Variants in OPCML observed in about 807,000 individuals in gnomAD.
OPCML encodes opioid binding protein/cell adhesion molecule like.
Under a neutral mutation model 37.8 loss-of-function variants are expected in OPCML, and 13 were observed. The ratio of observed to expected loss-of-function variants is 0.34; its 90% CI spans 0.22 to 0.55. OPCML has a LOEUF of 0.55. Ranked by LOEUF, OPCML falls within the 20% of genes least tolerant of loss-of-function variation. The pLI is 0.91. For synonymous variants in OPCML, 176 were observed against 168.8 expected (o/e 1.04, Z -0.33); for missense variants, 341 against 435.6 (o/e 0.78, Z 1.93).
Position 133,403,981 on chromosome 11 carries a change from C to CATTT in OPCML, c.61+128279_61+128282dup, listed in dbSNP as rs1441005733. ...AAGTAGTGTTGCTTTGAACCATAGA[C>CATTT]ATTTATTCTCTCACAGTTCTGGAGG... On this transcript the variant is annotated intron_variant, in intron 1 of 7. Coordinates refer to ENST00000524381, the MANE Select transcript of OPCML (RefSeq NM_001012393.5). Among the ~76,000 whole-genome samples the CATTT allele has an allele frequency of 7.7e-4, 118 of 152,314 alleles. 1 individual carries two copies. Among genetic ancestry groups the CATTT allele is most frequent in the African/African-American group, 2.5e-3 (106 of 41,570 alleles).
chr11:132,766,819 T>A (rs1946461136), intron 2 of OPCML, among the ~76,000 whole-genome samples: 1 of 152,090 alleles, frequency 6.6e-6, no homozygotes, highest in South Asian at 2.1e-4. Flanking sequence ...ATAAAAGATA[T>A]TACTAGCAAA....
intron 2 of OPCML, among the ~76,000 whole-genome samples, chr11:132,699,634 G>A (rs756800142): frequency 4.6e-5 from 7 of 151,852 alleles, no homozygotes; most frequent in African/African-American, 1.5e-4. Flanking sequence ...TTCTGTTAAC[G>A]TAGTGCACCA....
At chr11:132,980,630 A>C (rs1946561088) in intron 1 of OPCML, among the ~76,000 whole-genome samples, 1 of 152,150 alleles carries the variant, frequency 6.6e-6, no homozygotes, top group Non-Finnish European at 1.5e-5. Context: ...ATGCAGTCAG[A>C]AAATTGACAC....
chr11:133,043,255 A>C (rs77014205), intron 1 of OPCML, among the ~76,000 whole-genome samples: 1 of 152,146 alleles, frequency 6.6e-6, no homozygotes, highest in African/African-American at 2.4e-5. Flanking sequence ...CTGGCTGTTC[A>C]AAAAAATCCT....
chr11:132,442,956 C>CGG lies in OPCML; in HGVS notation c.506-5598_506-5597insCC, dbSNP rs2096041482. On this transcript the variant is annotated intron_variant, in intron 4 of 7. Transcript: ENST00000524381. ...TGACCTGTCCCTTTGTTGGTCTATT[C>CGG]ACAGTATGCAAAAACAAAACAAAAC... Among the ~76,000 whole-genome samples, 3 of 152,288 alleles carry CGG rather than the reference C, an allele frequency of 2.0e-5. No individual in the cohort carries two copies. The South Asian group carries it at 6.2e-4, about 32-fold the overall frequency.
At chr11:132,960,514 G>C (rs1437581746) in intron 1 of OPCML, among the ~76,000 whole-genome samples, 1 of 152,166 alleles carries the variant, frequency 6.6e-6, no homozygotes, top group Admixed American at 6.5e-5. Context: ...AAAAGCACAG[G>C]CTGCTTCAGT....
chr11:132,534,606 T>A (rs536692204), intron 3 of OPCML, among the ~76,000 whole-genome samples: 10 of 152,206 alleles, frequency 6.6e-5, no homozygotes, highest in African/African-American at 2.4e-4. Context: ...CTGCATAAAG[T>A]TGATATGATG....
intron 1 of OPCML, among the ~76,000 whole-genome samples, chr11:133,343,895 T>C (rs907947646): frequency 2.0e-5 from 3 of 152,192 alleles, no homozygotes; most frequent in Non-Finnish European, 2.9e-5. Context: ...TATTTTACTT[T>C]AAAAAAAGCG....
chr11:133,122,400 G>A (rs1949436018), intron 1 of OPCML, among the ~76,000 whole-genome samples: 1 of 151,796 alleles, frequency 6.6e-6, no homozygotes, highest in South Asian at 2.1e-4. Flanking sequence ...GTGTCATCCT[G>A]CTGGCTAGTA....
chr11:133,371,272 A>C (rs541049278), intron 1 of OPCML, among the ~76,000 whole-genome samples: 1 of 152,236 alleles, frequency 6.6e-6, no homozygotes, highest in South Asian at 2.1e-4. Context: ...AAATTAAAAA[A>C]TATAACTACC....
In OPCML at chr11:132,479,960, G is replaced by A. The variant is rs561851878; in HGVS notation, c.506-42601C>T. Among the ~76,000 whole-genome samples, 66 of 152,300 alleles carry A rather than the reference G, an allele frequency of 4.3e-4. 2 individuals carry two copies. The South Asian group carries it at 0.011, about 24-fold the overall frequency. On this transcript the variant is annotated intron_variant, in intron 4 of 7. Transcript: ENST00000524381. ...AACTGGAAACTCTAAAAAGCAGAGC[G>A]CCTCTCCTCCTCCAAAGGAACGCAG...
chr11:133,020,900 G>T (rs1293094958), intron 1 of OPCML, among the ~76,000 whole-genome samples: 1 of 152,080 alleles, frequency 6.6e-6, no homozygotes, highest in African/African-American at 2.4e-5. Context: ...CCTTGGCAAA[G>T]AATGGATTTT....
intron 2 of OPCML, among the ~76,000 whole-genome samples, chr11:132,911,548 G>C (rs1944427456): frequency 6.6e-6 from 1 of 152,188 alleles, no homozygotes; most frequent in South Asian, 2.1e-4. Flanking sequence ...GCGAAAGAAA[G>C]TCAAACACAG....
intron 1 of OPCML, among the ~76,000 whole-genome samples, chr11:133,507,066 G>A (rs1360577503): frequency 6.6e-6 from 1 of 152,208 alleles, no homozygotes; most frequent in African/African-American, 2.4e-5. Flanking sequence ...ATTTTAAAGT[G>A]TGTCTATTTC....
At chr11:132,632,422 A>G (rs1940210169) in intron 3 of OPCML, among the ~76,000 whole-genome samples, 1 of 152,062 alleles carries the variant, frequency 6.6e-6, no homozygotes, top group South Asian at 2.1e-4. Flanking sequence ...AGGTGACACT[A>G]TTTCCATGTG....
intron 1 of OPCML, among the ~76,000 whole-genome samples, chr11:133,202,118 C>T (rs890468590): frequency 6.6e-6 from 1 of 152,058 alleles, no homozygotes; most frequent in Non-Finnish European, 1.5e-5. Context: ...GACAAAGATC[C>T]GGGAATGATT....
At chr11:133,015,395 T>G (rs11223325) in intron 1 of OPCML, among the ~76,000 whole-genome samples, 2,800 of 67,842 alleles carry the variant, frequency 0.041, 61 homozygotes, top group African/African-American at 0.067. Context: ...AAGGAAGGAA[T>G]GAAGGAAGGA....
At chr11:133,115,713 AT>A (rs1314776076) in intron 1 of OPCML, among the ~76,000 whole-genome samples, 1 of 152,114 alleles carries the variant, frequency 6.6e-6, no homozygotes, top group Non-Finnish European at 1.5e-5. Context: ...GCTTTGAATT[AT>A]TTTTTAAGTG....
chr11:132,426,613 G>A (rs1036534594), intron 7 of OPCML, among the ~76,000 whole-genome samples: 9 of 152,022 alleles, frequency 5.9e-5, no homozygotes, highest in Non-Finnish European at 1.3e-4. Context: ...TTGTATTTTT[G>A]TAGAGATGGG....
Sources: allele counts gnomAD v4.1 joint callset (sites outside exome capture counted in the v4.1 genomes callset), GRCh38; gene constraint gnomAD v4.1.1; transcripts MANE v1.5; gene names NCBI Gene and HGNC (gene_info 2026-07-23, HGNC 2026-07-21).